Variants in KCNT2 observed in about 807,000 individuals in gnomAD.
The protein encoded by KCNT2 is potassium sodium-activated channel subfamily T member 2.
KCNT2 carries 67 observed loss-of-function variants against 153.8 expected under a neutral mutation model. That is an observed-to-expected ratio of 0.44 (90% CI 0.36 to 0.53). The LOEUF (loss-of-function observed/expected upper bound fraction) is 0.53. Among genes scored for constraint, KCNT2 ranks in the 20% least tolerant of loss-of-function variants. The pLI, the probability that KCNT2 is intolerant of heterozygous loss-of-function variation, is 0.00. For synonymous variants in KCNT2, 500 were observed against 458.8 expected (o/e 1.09, Z -1.15); for missense variants, 975 against 1,354.8 (o/e 0.72, Z 4.40).
At chr1:196,555,342 T>C (rs758591475) in intron 1 of KCNT2, among the ~76,000 whole-genome samples, 6 of 151,472 alleles carry the variant, frequency 4.0e-5, no homozygotes, top group Non-Finnish European at 8.9e-5. Context: ...ATCAGTAGCA[T>C]TTCTATATGC....
intron 14 of KCNT2, among the ~76,000 whole-genome samples, chr1:196,356,037 TA>T (rs1370419729): frequency 6.6e-6 from 1 of 151,796 alleles, no homozygotes; most frequent in African/African-American, 2.4e-5. Context: ...ATATATTCCA[TA>T]AATATTAATA....
At chr1:196,481,067 A>T (rs1476115619) in intron 4 of KCNT2, among the ~76,000 whole-genome samples, 3 of 152,088 alleles carry the variant, frequency 2.0e-5, no homozygotes, top group African/African-American at 7.2e-5. Context: ...TTTCAGTGTT[A>T]TTTATGAATT....
At chr1:196,274,059 G>T (rs760294391) in intron 25 of KCNT2, among the ~76,000 whole-genome samples, 26 of 151,352 alleles carry the variant, frequency 1.7e-4, no homozygotes, top group Non-Finnish European at 3.7e-4. Flanking sequence ...TTTAATTTCA[G>T]ATCTTACAGT....
chr1:196,415,689 A>G lies in KCNT2; in HGVS notation c.1185+7361T>C, dbSNP rs545585983. On this transcript the variant is annotated intron_variant, in intron 12 of 27. Transcript: ENST00000294725. ...TCCATGAGTCCCTGTACATCCAAAC[A>G]TAAAACAATTAAAAGAGATTCCAGT... Among the ~76,000 whole-genome samples, 35 of 151,994 alleles carry G rather than the reference A, an allele frequency of 2.3e-4. No homozygotes were observed. In the South Asian group the frequency reaches 6.8e-3, roughly 30 times the overall value.
intron 8 of KCNT2, among the ~76,000 whole-genome samples, chr1:196,430,055 A>G (rs1673995900): frequency 6.6e-6 from 1 of 152,150 alleles, no homozygotes; most frequent in African/African-American, 2.4e-5. Context: ...CACTGAATGA[A>G]CATCAACACA....
intron 22 of KCNT2, among the ~76,000 whole-genome samples, chr1:196,292,390 T>C (rs1348468603): frequency 1.3e-5 from 2 of 152,198 alleles, no homozygotes; most frequent in African/African-American, 4.8e-5. Context: ...AGTTAAAAGC[T>C]ATTCCTTCTA....
At chr1:196,572,081 G>A (rs74134369) in intron 1 of KCNT2, among the ~76,000 whole-genome samples, 3,242 of 152,156 alleles carry the variant, frequency 0.021, 108 homozygotes, top group African/African-American at 0.074. Flanking sequence ...AAATGCTCAT[G>A]AGCACATGCT....
intron 21 of KCNT2, among the ~76,000 whole-genome samples, chr1:196,315,338 T>G (rs1469979113): frequency 6.6e-6 from 1 of 151,694 alleles, no homozygotes; most frequent in Admixed American, 6.6e-5. Context: ...TAGTCAGGAT[T>G]GTTTACTCTT....
chr1:196,485,073 T>TA (rs1318776303), intron 3 of KCNT2, among the ~76,000 whole-genome samples: 2 of 151,868 alleles, frequency 1.3e-5, no homozygotes, highest in Non-Finnish European at 2.9e-5. Flanking sequence ...ATAGACTGGA[T>TA]AAAAAAATGT....
chr1:196,432,604 C>G (rs1193454618), intron 8 of KCNT2, among the ~76,000 whole-genome samples: 1 of 152,110 alleles, frequency 6.6e-6, no homozygotes, highest in Non-Finnish European at 1.5e-5. Context: ...TAATTGGGAC[C>G]TATTACCCAT....
At chr1:196,477,896 A>G (rs990042050) in intron 5 of KCNT2, among the ~76,000 whole-genome samples, 8 of 152,178 alleles carry the variant, frequency 5.3e-5, no homozygotes, top group Non-Finnish European at 8.8e-5. Context: ...TAATAGTGAA[A>G]ATGACTGTCA....
intron 1 of KCNT2, among the ~76,000 whole-genome samples, chr1:196,565,119 C>CAA (rs61121913): frequency 7.8e-6 from 1 of 128,614 alleles, no homozygotes; most frequent in African/African-American, 2.8e-5. Context: ...AAATCAATAG[C>CAA]AAAAAAAAAA....
intron 26 of KCNT2, among the ~76,000 whole-genome samples, chr1:196,255,348 A>G (rs1345714901): frequency 6.6e-6 from 1 of 151,768 alleles, no homozygotes; most frequent in Non-Finnish European, 1.5e-5. Context: ...GCCAAAGAAC[A>G]CACGGCTTGT....
At chr1:196,439,182 C>A (rs1309644542) in intron 8 of KCNT2, among the ~76,000 whole-genome samples, 2 of 151,830 alleles carry the variant, frequency 1.3e-5, no homozygotes, top group African/African-American at 2.4e-5. Context: ...TGAATGTCCA[C>A]TTTGGTTAAT....
chr1:196,279,882 T>C (rs565421764), intron 25 of KCNT2, among the ~76,000 whole-genome samples: 2 of 152,326 alleles, frequency 1.3e-5, no homozygotes, highest in South Asian at 2.1e-4. Flanking sequence ...TTATGCTTTC[T>C]ATAAAGTTCT....
At chr1:196,237,613 G>T (rs1169123465) in intron 26 of KCNT2, among the ~76,000 whole-genome samples, 1 of 151,736 alleles carries the variant, frequency 6.6e-6, no homozygotes, top group Non-Finnish European at 1.5e-5. Flanking sequence ...CACTCAGGCT[G>T]GAGTACAATG....
At chr1:196,322,092 G>A (rs1663379331) in intron 19 of KCNT2, among the ~76,000 whole-genome samples, 1 of 151,828 alleles carries the variant, frequency 6.6e-6, no homozygotes, top group Non-Finnish European at 1.5e-5. Flanking sequence ...AAGTACTGAT[G>A]AAGAGTTTTA....
At chr1:196,396,484 T>G (rs981837880) in intron 13 of KCNT2, among the ~76,000 whole-genome samples, 2 of 151,608 alleles carry the variant, frequency 1.3e-5, no homozygotes, top group African/African-American at 4.8e-5. Flanking sequence ...GACAGCTTGA[T>G]GCACTGCCTT....
intron 13 of KCNT2, among the ~76,000 whole-genome samples, chr1:196,386,995 C>T (rs1323635445): frequency 6.6e-6 from 1 of 151,988 alleles, no homozygotes; most frequent in African/African-American, 2.4e-5. Context: ...TCTATATAAA[C>T]ATAACTTATA....
Sources: allele counts gnomAD v4.1 joint callset (sites outside exome capture counted in the v4.1 genomes callset), GRCh38; gene constraint gnomAD v4.1.1; transcripts MANE v1.5; gene names NCBI Gene and HGNC (gene_info 2026-07-23, HGNC 2026-07-21).